Variants in UBE2E3 observed in about 807,000 individuals in gnomAD.
UBE2E3 encodes the protein ubiquitin-conjugating enzyme E2 E3.
Under a neutral mutation model 23.6 loss-of-function variants are expected in UBE2E3, and 5 were observed. The observed-to-expected ratio is 0.21, with a 90% CI of 0.11 to 0.44. The LOEUF is 0.44. Ranked by LOEUF, UBE2E3 falls within the 20% of genes least tolerant of loss-of-function variation. UBE2E3 has a pLI of 0.99. For missense variants in UBE2E3, 81 were observed against 249.8 expected (o/e 0.32, Z 4.55); for synonymous variants, 78 against 87.5 (o/e 0.89, Z 0.60).
intron 2 of UBE2E3, 131 bp downstream of exon 2, chr2:180,982,367 A>C (rs1574150519): frequency 1.2e-6 from 1 of 831,490 alleles, no homozygotes; most frequent in Non-Finnish European, 1.9e-6. Flanking sequence ...ATTGTACTTG[A>C]ATGAGTTGTC....
chr2:180,982,041 A>G lies in UBE2E3; in HGVS notation c.-2A>G, dbSNP rs1250787452. ...AGTTTTCCAAGAGATAACTTCACCA[A>G]GATGTCCAGTGATAGGCAAAGGTCC... On this transcript the variant is annotated 5_prime_UTR_variant, in exon 2 of 6. Coordinates refer to ENST00000410062, the MANE Select transcript of UBE2E3 (RefSeq NM_006357.4). 3 of 1,599,266 alleles carry G rather than the reference A, an allele frequency of 1.9e-6. No individual in the cohort carries two copies. Among genetic ancestry groups the G allele is most frequent in the Non-Finnish European group, 1.7e-6 (2 of 1,175,328 alleles).
intron 3 of UBE2E3, chr2:180,987,325 ATC>A (rs1559111253): frequency 1.3e-6 from 2 of 1,549,256 alleles, no homozygotes; most frequent in South Asian, 2.4e-5. Flanking sequence ...TTTACTTTCC[ATC>A]TGTTTCCCAG....
chr2:181,033,862 C>G (rs187145148), intron 3 of UBE2E3, among the ~76,000 whole-genome samples: 395 of 152,212 alleles, frequency 2.6e-3, no homozygotes, highest in Middle Eastern at 0.014. Context: ...AACAAGTGGG[C>G]GAAGGATATG....
chr2:181,039,288 TATAA>T (rs1450873273), intron 3 of UBE2E3, among the ~76,000 whole-genome samples: 4 of 140,518 alleles, frequency 2.8e-5, no homozygotes, highest in Non-Finnish European at 6.4e-5. Flanking sequence ...GAATAAATTT[TATAA>T]ATAAATTTAT....
intron 3 of UBE2E3, among the ~76,000 whole-genome samples, chr2:181,040,302 G>A (rs1448561302): frequency 6.6e-6 from 1 of 152,090 alleles, no homozygotes; most frequent in African/African-American, 2.4e-5. Context: ...CTCTAGTTCT[G>A]CACATGTTAC....
chr2:181,020,026 A>G (rs1349020602), intron 3 of UBE2E3, among the ~76,000 whole-genome samples: 4 of 152,094 alleles, frequency 2.6e-5, no homozygotes, highest in African/African-American at 7.2e-5. Flanking sequence ...CCTGACAACT[A>G]GTGTTCTACT....
chr2:180,989,841 A>G, intron 3 of UBE2E3: 2 of 1,527,202 alleles, frequency 1.3e-6, no homozygotes, highest in Non-Finnish European at 1.8e-6. Context: ...CTCTCCTTAA[A>G]TGAGTTGCTG....
intron 3 of UBE2E3, among the ~76,000 whole-genome samples, chr2:181,016,847 A>G (rs1377207111): frequency 6.6e-6 from 1 of 152,146 alleles, no homozygotes. Flanking sequence ...AAGATAAGGA[A>G]CTCTTTCTCC....
At chr2:181,048,088 A>C (rs6744130) in intron 3 of UBE2E3, among the ~76,000 whole-genome samples, 118,449 of 152,046 alleles carry the variant, frequency 0.78, 46,425 homozygotes, top group East Asian at 0.91. Context: ...TTCAGCTTCT[A>C]CTGATAAACC....
intron 3 of UBE2E3, among the ~76,000 whole-genome samples, chr2:181,026,397 G>T (rs1408157226): frequency 2.6e-5 from 4 of 151,298 alleles, no homozygotes; most frequent in Non-Finnish European, 5.9e-5. Context: ...AATAACTGCA[G>T]TCTCTCATAG....
At chr2:180,992,279 C>G (rs1684682841) in intron 3 of UBE2E3, among the ~76,000 whole-genome samples, 1 of 151,994 alleles carries the variant, frequency 6.6e-6, no homozygotes, top group African/African-American at 2.4e-5. Context: ...TCCATTCATT[C>G]TAGATACACA....
chr2:181,048,050 T>A (rs1397202107), intron 3 of UBE2E3, among the ~76,000 whole-genome samples: 1 of 152,130 alleles, frequency 6.6e-6, no homozygotes, highest in Non-Finnish European at 1.5e-5. Context: ...TTCCTATGCT[T>A]TGAAGTCCTC....
chr2:181,013,757 A>T (rs931698760), intron 3 of UBE2E3, among the ~76,000 whole-genome samples: 9 of 152,186 alleles, frequency 5.9e-5, no homozygotes, highest in Admixed American at 2.0e-4. Context: ...CTTGGAATTC[A>T]TACAGCATCA....
intron 3 of UBE2E3, among the ~76,000 whole-genome samples, chr2:181,047,272 G>C (rs1194474158): frequency 6.6e-6 from 1 of 152,034 alleles, no homozygotes; most frequent in African/African-American, 2.4e-5. Flanking sequence ...TTGGGACTTA[G>C]GTGTGGTGGT....
At chr2:181,028,932 G>A (rs1685983605) in intron 3 of UBE2E3, among the ~76,000 whole-genome samples, 1 of 151,862 alleles carries the variant, frequency 6.6e-6, no homozygotes, top group Non-Finnish European at 1.5e-5. Flanking sequence ...ATTACTTTCT[G>A]TCCCAAGGTC....
At chr2:181,021,777 CT>C (rs992020558) in intron 3 of UBE2E3, among the ~76,000 whole-genome samples, 2 of 151,438 alleles carry the variant, frequency 1.3e-5, no homozygotes, top group African/African-American at 4.9e-5. Flanking sequence ...TTTCTTAATA[CT>C]TTTGCAGACT....
At chr2:181,014,443 AAG>A (rs1039545032) in intron 3 of UBE2E3, among the ~76,000 whole-genome samples, 28 of 152,296 alleles carry the variant, frequency 1.8e-4, no homozygotes, top group African/African-American at 5.1e-4. Flanking sequence ...AGAGGATGAA[AAG>A]AGGGGAAAAA....
chr2:180,981,559 T>C (rs964583464), intron 1 of UBE2E3: 32 of 153,922 alleles, frequency 2.1e-4, no homozygotes, highest in African/African-American at 7.7e-4. Context: ...TAAATAAGCA[T>C]ATGGGCGATT....
intron 3 of UBE2E3, among the ~76,000 whole-genome samples, chr2:181,047,599 C>A (rs1686708911): frequency 6.6e-6 from 1 of 152,082 alleles, no homozygotes; most frequent in African/African-American, 2.4e-5. Flanking sequence ...CCTCACTTGT[C>A]CTATTTCAAA....
Sources: allele counts gnomAD v4.1 joint callset (sites outside exome capture counted in the v4.1 genomes callset), GRCh38; gene constraint gnomAD v4.1.1; transcripts MANE v1.5; gene names NCBI Gene and HGNC (gene_info 2026-07-23, HGNC 2026-07-21).